Variants in IARS1 observed in about 807,000 individuals in gnomAD.
The protein encoded by IARS1 is isoleucine--tRNA ligase, cytoplasmic.
In IARS1, 124 loss-of-function variants were observed where a neutral mutation model predicts 168.2. That is an observed-to-expected ratio of 0.74 (90% confidence interval 0.64 to 0.86). The LOEUF (loss-of-function observed/expected upper bound fraction) is 0.86, where lower values mean the gene tolerates loss of function less well. Among genes scored for constraint, IARS1 ranks in the 40% least tolerant of loss-of-function variants. IARS1 has a pLI of 0.00. For missense variants in IARS1, 1,452 were observed against 1,515.8 expected, an observed-to-expected ratio of 0.96 and a Z score of 0.70; for synonymous variants, 532 against 529.4, an observed-to-expected ratio of 1.00 and a Z score of -0.07.
rs371250371 is a variant in IARS1 at position 92,265,098 on chromosome 9, G to A, written c.1531C>T (p.Arg511Cys). Residue 511 changes from arginine to cysteine, a missense_variant, in exon 16 of 34, where the codon CGC (arginine) becomes TGC (cysteine). Physicochemically the swap from Arg to Cys is radical, Grantham distance 180. Coordinates refer to ENST00000443024, the MANE Select transcript of IARS1 (RefSeq NM_002161.6). The part of the protein sequence containing the change: ...ESVDHLTIPS[R>C]CGKGSLHRIS... The stretch of plus-strand genomic sequence containing the variant: ...CGGTGCAAGGATCCCTTCCCACAGC[G>A]TGAAGGAATGGTCAGGTGGTCAACA... 69 of 1,613,584 alleles carry A rather than the reference G, an allele frequency of 4.3e-5. No individual in the cohort carries two copies. The highest frequency in any genetic ancestry group is 1.1e-4 in the East Asian group (5 of 44,880).
chr9:92,228,830 AATGAGGAGGC>A (rs72190547), intron 31 of IARS1, among the ~76,000 whole-genome samples, 161 bp downstream of exon 31: 17,063 of 152,218 alleles, frequency 0.11, 1,081 homozygotes, highest in South Asian at 0.21. Context: ...CACATGACAC[AATGAGGAGGC>A]ATGAATAGAC....
At chr9:92,273,336 A>C (rs754114888) in intron 10 of IARS1, among the ~76,000 whole-genome samples, 2 of 152,164 alleles carry the variant, frequency 1.3e-5, no homozygotes, top group Admixed American at 6.5e-5. Flanking sequence ...GTGATTATTA[A>C]GGAATTGCTG....
At chr9:92,223,273 C>T in intron 32 of IARS1, 73 bp downstream of exon 32, 1 of 1,377,306 alleles carries the variant, frequency 7.3e-7, no homozygotes. Context: ...TAGAAATACA[C>T]ACATATTTGA....
Position 92,277,834 on chromosome 9 carries a change from G to A in IARS1, c.894+29C>T, listed in dbSNP as rs1424833833. 6 of 1,594,206 alleles carry A rather than the reference G, an allele frequency of 3.8e-6. No individual in the cohort carries two copies. The South Asian group carries it at 6.7e-5, about 18-fold the overall frequency. On this transcript the variant is annotated intron_variant, in intron 9 of 33. Coordinates refer to ENST00000443024, the MANE Select transcript of IARS1 (RefSeq NM_002161.6). ...CTATCAAATAATCAGATTGTGGAGA[G>A]CGCCCACAGTAGCGGTCCCTAAGCT...
Position 92,242,176 on chromosome 9 carries a change from A to G in IARS1, c.3155T>C (p.Val1052Ala), listed in dbSNP as rs1828523037. Reference protein sequence around the residue: ...KPYPVSPSDKVLIQEKTQLKG... With the variant: ...KPYPVSPSDKALIQEKTQLKG... ...CACCTGTGTTTTTTCTTGAATAAGG[A>G]CTTTATCCGATGGAGAAACTGGATA... The change falls in exon 29 of 34, where the codon GTC (valine) becomes GCC (alanine). Residue 1052 changes from valine (V) to alanine (A), a missense_variant. Val to Ala is a moderately conservative substitution (Grantham distance 64). Coordinates refer to ENST00000443024, the MANE Select transcript of IARS1 (RefSeq NM_002161.6). The G allele has an allele frequency of 6.2e-7, 1 of 1,613,960 alleles. No homozygotes were observed. The highest frequency in any genetic ancestry group is 8.5e-7 in the Non-Finnish European group (1 of 1,179,900).
Position 92,277,928 on chromosome 9 carries a change from A to C in IARS1, c.834-5T>G, listed in dbSNP as rs1365014279. The stretch of plus-strand genomic sequence containing the variant: ...TTAAGATAGGCACCAGGAAATCTAG[A>C]AAAGGAGAAAGGCAAACTCACAATT... On this transcript the variant is annotated splice_polypyrimidine_tract_variant and splice_region_variant and intron_variant, in intron 8 of 33. Transcript: ENST00000443024. 6.2e-7 allele frequency: 1 copy of C among 1,613,118 alleles called. No homozygotes were observed. The highest frequency in any genetic ancestry group is 8.5e-7 in the Non-Finnish European group (1 of 1,179,390).
intron 12 of IARS1, 120 bp from the exon 13 acceptor site, chr9:92,270,103 CATTTTT>C: frequency 1.7e-6 from 1 of 587,092 alleles, no homozygotes; most frequent in Non-Finnish European, 3.1e-6. Context: ...TGCTAATATT[CATTTTT>C]ATTATAGATA....
In IARS1 at chr9:92,242,166, T is replaced by C; in HGVS notation, c.3165A>G (p.Gln1055=). Residue 1055 remains glutamine, a synonymous_variant, in exon 29 of 34, where the codon CAA becomes CAG. Transcript: ENST00000443024. The part of the protein sequence containing the change: ...PVSPSDKVLI[Q]EKTQLKGSEL... ...ACTCAGGACTCACCTGTGTTTTTTCTTGAATAAGGACTTTATCCGATGGAG... is the reference window on the plus strand; with the variant it reads ...ACTCAGGACTCACCTGTGTTTTTTCCTGAATAAGGACTTTATCCGATGGAG... 1 of 1,613,546 alleles carries C rather than the reference T, an allele frequency of 6.2e-7. No homozygotes were observed. The highest frequency in any genetic ancestry group is 8.5e-7 in the Non-Finnish European group (1 of 1,179,742).
intron 23 of IARS1, 42 bp downstream of exon 23, chr9:92,250,671 C>A: frequency 6.6e-7 from 1 of 1,512,444 alleles, no homozygotes; most frequent in East Asian, 2.3e-5. Context: ...GCAACTCTCC[C>A]CTCCTTGGCA....
Position 92,223,431 on chromosome 9 carries a change from T to C in IARS1, c.3468A>G (p.Ala1156=). ...TGTTGATCAGAGAGGGAGCCGATCC[T>C]GCAGTCACACAAAGTGTTTTTCCAC... ...SLSGKTLCVT[A]GSAPSLINSS... The change falls in exon 32 of 34, where the codon GCA becomes GCG. Residue 1156 remains alanine (A), a synonymous_variant. Transcript: ENST00000443024. 1 of 1,614,024 alleles carries C rather than the reference T, an allele frequency of 6.2e-7. No individual in the cohort carries two copies. Among genetic ancestry groups the C allele is most frequent in the Non-Finnish European group, 8.5e-7 (1 of 1,179,878 alleles).
intron 4 of IARS1, 97 bp downstream of exon 4, chr9:92,287,690 AAAAT>A: frequency 7.6e-7 from 1 of 1,316,302 alleles, no homozygotes; most frequent in Non-Finnish European, 1.0e-6. Context: ...TTTTCTACAA[AAAAT>A]AAATTAATAA....
At chr9:92,213,113 G>A (rs569036688) in intron 33 of IARS1, among the ~76,000 whole-genome samples, 2 of 151,732 alleles carry the variant, frequency 1.3e-5, no homozygotes, top group African/African-American at 2.4e-5. Flanking sequence ...TTAAAAGTAC[G>A]ATATGCAACT....
intron 30 of IARS1, among the ~76,000 whole-genome samples, chr9:92,230,585 A>G (rs542718376): frequency 7.9e-5 from 12 of 152,344 alleles, no homozygotes; most frequent in Admixed American, 2.6e-4. Context: ...AGTACTATAT[A>G]CATTCATGTG....
chr9:92,281,817 A>C (rs778748464), intron 6 of IARS1, among the ~76,000 whole-genome samples: 15 of 152,224 alleles, frequency 9.9e-5, no homozygotes, highest in Non-Finnish European at 1.9e-4. Context: ...ACATCAGACA[A>C]ACTTGAAATA....
intron 33 of IARS1, among the ~76,000 whole-genome samples, chr9:92,215,607 G>T (rs370039783): frequency 7.5e-6 from 1 of 132,838 alleles, no homozygotes; most frequent in African/African-American, 2.7e-5. Context: ...ACCAAGGCTC[G>T]AGAACTACGT....
At chr9:92,273,192 A>G (rs934999618) in intron 10 of IARS1, among the ~76,000 whole-genome samples, 2 of 151,868 alleles carry the variant, frequency 1.3e-5, no homozygotes, top group Non-Finnish European at 2.9e-5. Context: ...CCTTTTTATT[A>G]TCTACTAAGA....
chr9:92,293,562 G>T (rs76525852), intron 1 of IARS1, 49 bp downstream of exon 1: 1 of 471,832 alleles, frequency 2.1e-6, no homozygotes, highest in South Asian at 1.6e-5. Context: ...TAACGCGTGC[G>T]TGACCCTCGT....
rs112218600 is a variant in IARS1 at position 92,254,624 on chromosome 9, G to A, written c.2138-1171C>T. On this transcript the variant is annotated intron_variant, in intron 20 of 33. Coordinates refer to ENST00000443024, the MANE Select transcript of IARS1 (RefSeq NM_002161.6). ...GTCTAAATGATTTCTAGGGTTCACG[G>A]CACTTTTTACCTTCCAGGAAGCTCA... Among the ~76,000 whole-genome samples, 6 of 152,294 alleles carry A rather than the reference G, an allele frequency of 3.9e-5. 1 individual carries two copies. The highest frequency in any genetic ancestry group is 1.4e-4 in the African/African-American group (6 of 41,556).
At chr9:92,231,735 G>A (rs1279150768) in intron 30 of IARS1, among the ~76,000 whole-genome samples, 1 of 151,626 alleles carries the variant, frequency 6.6e-6, no homozygotes, top group Non-Finnish European at 1.5e-5. Context: ...GCCATGAGAT[G>A]TTTTTCTACC....
Sources: gnomAD v4.1 joint callset for allele counts (sites outside exome capture counted in the v4.1 genomes callset) on GRCh38, gnomAD v4.1.1 for gene constraint, MANE v1.5 for transcripts, NCBI Gene and HGNC (gene_info 2026-07-23, HGNC 2026-07-21) for gene names.